Variants in EYS observed in about 807,000 individuals in gnomAD.
The protein encoded by EYS is protein eyes shut homolog.
Under a neutral mutation model 282.1 loss-of-function variants are expected in EYS, and 250 were observed. The observed-to-expected ratio is 0.89, with a 90% confidence interval of 0.80 to 0.98. The LOEUF (loss-of-function observed/expected upper bound fraction) is 0.98, where lower values mean the gene tolerates loss of function less well. Among genes scored for constraint, EYS ranks in the 50% least tolerant of loss-of-function variants. The pLI is 0.00. For synonymous variants in EYS, 1,355 were observed against 1,282.9 expected (o/e 1.06, Z -1.20); for missense variants, 4,016 against 3,709.0 (o/e 1.08, Z -2.15).
rs3042964 is a variant in EYS at position 65,274,909 on chromosome 6, GGAGAGAGAGAGA to G, written c.2023+20942_2023+20953del. 2.7e-5 allele frequency among the ~76,000 whole-genome samples: 4 copies of G among 148,432 alleles called. No homozygotes were observed. The East Asian group carries it at 6.0e-4, about 22-fold the overall frequency. ...GGTTCCTCCTACAGCCAAAAAAAAA[GGAGAGAGAGAGA>G]GAGAGAGAGAGAGACAATACCTAGT... is the stretch of plus-strand genomic sequence containing the variant. On this transcript the variant is annotated intron_variant, in intron 12 of 42. Coordinates refer to ENST00000503581, the MANE Select transcript of EYS (RefSeq NM_001142800.2).
intron 1 of EYS, among the ~76,000 whole-genome samples, chr6:65,677,689 G>A (rs1183616273): frequency 6.6e-6 from 1 of 151,844 alleles, no homozygotes; most frequent in Non-Finnish European, 1.5e-5. Flanking sequence ...TCATTTTTCA[G>A]AAATAGACAA....
At chr6:65,402,851 G>A (rs1766571520) in intron 6 of EYS, among the ~76,000 whole-genome samples, 1 of 152,040 alleles carries the variant, frequency 6.6e-6, no homozygotes, top group Non-Finnish European at 1.5e-5. Context: ...CCTTCCTCTT[G>A]AATGTAAGCA....
intron 36 of EYS, among the ~76,000 whole-genome samples, chr6:63,810,122 G>A (rs565971525): frequency 6.6e-6 from 1 of 151,136 alleles, no homozygotes; most frequent in Non-Finnish European, 1.5e-5. Context: ...TTAGCCGAGT[G>A]TGGTGGCACG....
chr6:64,602,402 C>T (rs1741983437), intron 24 of EYS, among the ~76,000 whole-genome samples: 1 of 151,950 alleles, frequency 6.6e-6, no homozygotes, highest in African/African-American at 2.4e-5. Context: ...AGAAAAACAA[C>T]CAACCAAATA....
intron 12 of EYS, among the ~76,000 whole-genome samples, chr6:65,125,059 A>G (rs942304196): frequency 6.6e-6 from 1 of 152,188 alleles, no homozygotes; most frequent in Non-Finnish European, 1.5e-5. Flanking sequence ...AACAACTAGG[A>G]AGGGTCATTT....
intron 34 of EYS, among the ~76,000 whole-genome samples, chr6:63,993,837 A>G (rs1267282422): frequency 6.6e-6 from 1 of 151,962 alleles, no homozygotes; most frequent in East Asian, 1.9e-4. Flanking sequence ...CCAAATAGCC[A>G]AAACATTCTT....
chr6:65,204,584 A>C (rs1765981332), intron 12 of EYS, among the ~76,000 whole-genome samples: 1 of 151,982 alleles, frequency 6.6e-6, no homozygotes, highest in South Asian at 2.1e-4. Flanking sequence ...CCATCATAAA[A>C]GCATATATAA....
chr6:65,689,919 T>A (rs1212245535), intron 1 of EYS, among the ~76,000 whole-genome samples: 1 of 149,580 alleles, frequency 6.7e-6, no homozygotes, highest in Non-Finnish European at 1.5e-5. Flanking sequence ...GAAAGCTGGG[T>A]CCAGGGGGGT....
At chr6:64,379,264 C>G (rs1335555376) in intron 29 of EYS, among the ~76,000 whole-genome samples, 2 of 152,058 alleles carry the variant, frequency 1.3e-5, no homozygotes. Flanking sequence ...AGCACTTAAG[C>G]CAAAAATTGA....
intron 26 of EYS, among the ~76,000 whole-genome samples, chr6:64,456,756 C>G (rs994350214): frequency 6.6e-6 from 1 of 151,932 alleles, no homozygotes; most frequent in East Asian, 1.9e-4. Context: ...TTAAACAGAT[C>G]TGGAAGGAGC....
intron 12 of EYS, among the ~76,000 whole-genome samples, chr6:65,103,381 T>A (rs1774947027): frequency 6.6e-6 from 1 of 151,434 alleles, no homozygotes. Context: ...AACCACTGAT[T>A]TTACCTAACA....
At chr6:65,223,740 G>T (rs2150261418) in intron 12 of EYS, among the ~76,000 whole-genome samples, 1 of 152,240 alleles carries the variant, frequency 6.6e-6, no homozygotes, top group Non-Finnish European at 1.5e-5. Flanking sequence ...ATACCATCCA[G>T]GTCAAGTAGC....
chr6:63,794,056 C>A (rs1243326758), intron 37 of EYS, among the ~76,000 whole-genome samples: 1 of 152,210 alleles, frequency 6.6e-6, no homozygotes, highest in East Asian at 1.9e-4. Flanking sequence ...ACAAGTCTGA[C>A]TGTGGTTGTG....
intron 7 of EYS, among the ~76,000 whole-genome samples, chr6:65,385,056 A>G (rs1243560272): frequency 2.0e-5 from 3 of 151,938 alleles, no homozygotes; most frequent in African/African-American, 7.2e-5. Flanking sequence ...ATAAGTTGCT[A>G]AAGAACACAC....
chr6:65,606,294 CTATT>C (rs1765789979), intron 2 of EYS, among the ~76,000 whole-genome samples: 1 of 151,616 alleles, frequency 6.6e-6, no homozygotes, highest in South Asian at 2.1e-4. Context: ...CAAAGTAAAA[CTATT>C]TATTGCTTTA....
chr6:64,136,142 A>G (rs1462607473), intron 31 of EYS, among the ~76,000 whole-genome samples: 1 of 107,300 alleles, frequency 9.3e-6, no homozygotes, highest in Middle Eastern at 4.5e-3. Context: ...GATTCTTTCT[A>G]AAAAAAAAAA....
chr6:65,109,983 T>G (rs115328653), intron 12 of EYS, among the ~76,000 whole-genome samples: 4,611 of 152,256 alleles, frequency 0.03, 178 homozygotes, highest in African/African-American at 0.092. Context: ...AGACTAGCCT[T>G]TCTTCTCATC....
chr6:65,288,984 G>A (rs1039242984), intron 12 of EYS, among the ~76,000 whole-genome samples: 3 of 150,630 alleles, frequency 2.0e-5, no homozygotes, highest in Non-Finnish European at 4.5e-5. Context: ...ATAATCAATT[G>A]AAAAGAATAC....
chr6:64,680,559 T>C (rs750086362), intron 22 of EYS, among the ~76,000 whole-genome samples: 2 of 152,106 alleles, frequency 1.3e-5, no homozygotes, highest in African/African-American at 4.8e-5. Context: ...TCACTGGAAA[T>C]GGAAAGGCCA....
Sources: gnomAD v4.1 joint callset for allele counts (sites outside exome capture counted in the v4.1 genomes callset) on GRCh38, gnomAD v4.1.1 for gene constraint, MANE v1.5 for transcripts, NCBI Gene and HGNC (gene_info 2026-07-23, HGNC 2026-07-21) for gene names.